Variants in NUDCD2 observed in about 807,000 individuals in gnomAD.
NUDCD2 encodes nudC domain-containing protein 2.
NUDCD2 carries 16 observed loss-of-function variants against 20.8 expected under a neutral mutation model. That is an observed-to-expected ratio of 0.77 (90% CI 0.52 to 1.17). The LOEUF (loss-of-function observed/expected upper bound fraction) is 1.17, where lower values mean the gene tolerates loss of function less well. Among genes scored for constraint, NUDCD2 ranks in the 50% most tolerant of loss-of-function variants. The pLI is 0.00. For synonymous variants in NUDCD2, 87 were observed against 72.8 expected, an observed-to-expected ratio of 1.20 and a Z score of -1.00; for missense variants, 199 against 193.9, an observed-to-expected ratio of 1.03 and a Z score of -0.16.
Position 163,446,934 on chromosome 5 carries a change from G to T in NUDCD2, c.*7033C>A, listed in dbSNP as rs1758051703. ...AGAGACTGAGGCAGGAGAATTGCTT[G>T]AACCTGTGAGGCAGTGAGACAAGAT... On this transcript the variant is annotated 3_prime_UTR_variant, in exon 4 of 4. Transcript: ENST00000302764. 2 of 152,188 alleles carry T rather than the reference G, an allele frequency of 1.3e-5. No individual in the cohort carries two copies. Among genetic ancestry groups the T allele is most frequent in the African/African-American group, 4.8e-5 (2 of 41,442 alleles). 9.4% of individuals were successfully genotyped at this position (152,188 alleles called of 1,614,324 possible).
rs1320571157 is a variant in NUDCD2 at position 163,448,616 on chromosome 5, ATT to A, written c.*5349_*5350del. 6.6e-6 allele frequency: 1 copy of A among 152,240 alleles called. No individual in the cohort carries two copies. The highest frequency in any genetic ancestry group is 1.5e-5 in the Non-Finnish European group (1 of 68,036). 9.4% of individuals were successfully genotyped at this position (152,240 alleles called of 1,614,324 possible). A position where few individuals can be genotyped will look rare whatever the true frequency, so the allele number is the denominator to read the frequency against. ...AGAAAGAATAATCACTTTGCAATTC[ATT>A]TTACAAGACCAGAATTAACATGATA... On this transcript the variant is annotated 3_prime_UTR_variant, in exon 4 of 4. Coordinates refer to ENST00000302764, the MANE Select transcript of NUDCD2 (RefSeq NM_145266.6).
chr5:163,459,052 C>A (rs1379684276), intron 1 of NUDCD2: 1 of 152,086 alleles, frequency 6.6e-6, no homozygotes, highest in African/African-American at 2.4e-5. Flanking sequence ...CAAAACAATC[C>A]CATGAGAAGG....
intron 3 of NUDCD2, among the ~76,000 whole-genome samples, chr5:163,454,833 T>C (rs1581178256): frequency 6.6e-6 from 1 of 151,818 alleles, no homozygotes; most frequent in African/African-American, 2.4e-5. Flanking sequence ...TAGAGGTATG[T>C]AGAATTCAAG....
At chr5:163,458,196 T>C (rs1159329333) in intron 1 of NUDCD2, among the ~76,000 whole-genome samples, 1 of 152,026 alleles carries the variant, frequency 6.6e-6, no homozygotes, top group Admixed American at 6.6e-5. Flanking sequence ...TTAGCCAGGC[T>C]GGTCTCGAAC....
At position 163,452,992 on chromosome 5, in the gene NUDCD2, G is replaced by A. The variant is rs1758213552; in HGVS notation, c.*975C>T. On this transcript the variant is annotated 3_prime_UTR_variant, in exon 4 of 4. Coordinates refer to ENST00000302764, the MANE Select transcript of NUDCD2 (RefSeq NM_145266.6). ...CAATGTGAATGAAGTGAAGATCTGAGGATTAGAGGGTAGTAATGTGTCAAC... is the reference window on the plus strand; with the variant it reads ...CAATGTGAATGAAGTGAAGATCTGAAGATTAGAGGGTAGTAATGTGTCAAC... The A allele has an allele frequency of 2.0e-5, 3 of 152,162 alleles. No individual in the cohort carries two copies. Among genetic ancestry groups the A allele is most frequent in the Non-Finnish European group, 4.4e-5 (3 of 68,016 alleles). 9.4% of individuals were successfully genotyped at this position (152,162 alleles called of 1,614,324 possible).
rs934945666 is a variant in NUDCD2 at position 163,447,615 on chromosome 5, T to G, written c.*6352A>C. 3 of 152,212 alleles carry G rather than the reference T, an allele frequency of 2.0e-5. No individual in the cohort carries two copies. Among genetic ancestry groups the G allele is most frequent in the African/African-American group, 7.2e-5 (3 of 41,464 alleles). The allele number at this position is 152,212 out of a possible 1,614,324, so 9.4% of individuals were successfully genotyped here. On this transcript the variant is annotated 3_prime_UTR_variant, in exon 4 of 4. Transcript: ENST00000302764. ...GAATAATACTAATAACCAGCTAGAT[T>G]TAATTGACATAAAACCCTTCTACCT...
At chr5:163,457,495 T>G in intron 2 of NUDCD2, 67 bp downstream of exon 2, 3 of 961,484 alleles carry the variant, frequency 3.1e-6, no homozygotes, top group Non-Finnish European at 5.0e-6. Context: ...AAAGACCTAA[T>G]ACAAAAGAGG....
At position 163,457,098 on chromosome 5, in the gene NUDCD2, A is replaced by G; in HGVS notation, c.239-18T>C. 6.4e-7 allele frequency: 1 copy of G among 1,569,528 alleles called. No homozygotes were observed. The highest frequency in any genetic ancestry group is 1.2e-5 in the South Asian group (1 of 84,862). On this transcript the variant is annotated intron_variant, in intron 2 of 3. Coordinates refer to ENST00000302764, the MANE Select transcript of NUDCD2 (RefSeq NM_145266.6). ...TCTGTCCTCTAAAAAAAAAACACAC[A>G]CACACACACGCACAAATAAATTAGA...
Position 163,459,745 on chromosome 5 carries a change from CTCTT to C in NUDCD2, c.189+113_189+116del, listed in dbSNP as rs1270761628. The C allele has an allele frequency of 1.4e-5, 12 of 871,798 alleles. No homozygotes were observed. The East Asian group carries it at 1.9e-4, about 14-fold the overall frequency. 54.0% of individuals were successfully genotyped at this position (871,798 alleles called of 1,614,324 possible). Reference sequence around the variant, plus strand: ...AGACCCAAACCTGGTCAGTGTTATCCTCTTTCTCTTTCTGCCAGCCACAGGAGCC... The same window carrying C: ...AGACCCAAACCTGGTCAGTGTTATCCTCTCTTTCTGCCAGCCACAGGAGCC... On this transcript the variant is annotated intron_variant, in intron 1 of 3. Transcript: ENST00000302764.
rs1758066628 is a variant in NUDCD2 at position 163,447,463 on chromosome 5, AT to A, written c.*6503del. 6.8e-6 allele frequency: 1 copy of A among 147,658 alleles called. No homozygotes were observed. The highest frequency in any genetic ancestry group is 1.5e-5 in the Non-Finnish European group (1 of 66,904). 9.1% of individuals were successfully genotyped at this position (147,658 alleles called of 1,614,324 possible). On this transcript the variant is annotated 3_prime_UTR_variant, in exon 4 of 4. Coordinates refer to ENST00000302764, the MANE Select transcript of NUDCD2 (RefSeq NM_145266.6). Reference sequence around the variant, plus strand: ...AAGACTCAAAAAAAAAAAAAAAAACATGAAGCAAAAAGTGGTAGCATTAAAA... The same window carrying A: ...AAGACTCAAAAAAAAAAAAAAAAACAGAAGCAAAAAGTGGTAGCATTAAAA...
rs1430124543 is a variant in NUDCD2, at chr5:163,448,595, A to AGAAT, written c.*5368_*5371dup. 2 of 152,246 alleles carry AGAAT rather than the reference A, an allele frequency of 1.3e-5. No individual in the cohort carries two copies. Among genetic ancestry groups the AGAAT allele is most frequent in the Non-Finnish European group, 2.9e-5 (2 of 68,036 alleles). The allele number at this position is 152,246 out of a possible 1,614,324, so 9.4% of individuals were successfully genotyped here. A position where few individuals can be genotyped will look rare whatever the true frequency, so the allele number is the denominator to read the frequency against. ...CAAATTCTACAAATCTCTTCCAGAA[A>AGAAT]GAATAATCACTTTGCAATTCATTTT... On this transcript the variant is annotated 3_prime_UTR_variant, in exon 4 of 4. Coordinates refer to ENST00000302764, the MANE Select transcript of NUDCD2 (RefSeq NM_145266.6).
At chr5:163,459,398 C>G (rs1362382465) in intron 1 of NUDCD2, 1 of 152,244 alleles carries the variant, frequency 6.6e-6, no homozygotes, top group African/African-American at 2.4e-5. Context: ...AAACTAATCA[C>G]CTGACATCAT....
chr5:163,448,584 C>G lies in NUDCD2; in HGVS notation c.*5383G>C, dbSNP rs1362307541. Reference sequence around the variant, plus strand: ...TAAAGATATAACAAATTCTACAAATCTCTTCCAGAAAGAATAATCACTTTG... The same window carrying G: ...TAAAGATATAACAAATTCTACAAATGTCTTCCAGAAAGAATAATCACTTTG... On this transcript the variant is annotated 3_prime_UTR_variant, in exon 4 of 4. Transcript: ENST00000302764. 1 of 152,140 alleles carries G rather than the reference C, an allele frequency of 6.6e-6. No individual in the cohort carries two copies. Among genetic ancestry groups the G allele is most frequent in the African/African-American group, 2.4e-5 (1 of 41,428 alleles). The allele number at this position is 152,140 out of a possible 1,614,324, so 9.4% of individuals were successfully genotyped here.
At position 163,456,917 on chromosome 5, in the gene NUDCD2, C is replaced by T. The variant is rs746651260; in HGVS notation, c.390+12G>A. On this transcript the variant is annotated intron_variant, in intron 3 of 3. Coordinates refer to ENST00000302764, the MANE Select transcript of NUDCD2 (RefSeq NM_145266.6). ...TTTAATTACACATACTCATACACTT[C>T]ATCTGACTTACTTCTTTTTGGAATC... is the stretch of plus-strand genomic sequence containing the variant. The T allele has an allele frequency of 2.5e-6, 4 of 1,588,788 alleles. No individual in the cohort carries two copies. The Middle Eastern group carries it at 6.7e-4, about 266-fold the overall frequency.
intron 3 of NUDCD2, among the ~76,000 whole-genome samples, chr5:163,455,347 T>C (rs1444699660): frequency 6.6e-6 from 1 of 152,106 alleles, no homozygotes; most frequent in Admixed American, 6.5e-5. Context: ...GCAGAATCAC[T>C]AAGAGGGATA....
Position 163,459,963 on chromosome 5 carries a change from T to C in NUDCD2, c.88A>G (p.Ile30Val), listed in dbSNP as rs972863796. 13 of 1,613,406 alleles carry C rather than the reference T, an allele frequency of 8.1e-6. No individual in the cohort carries two copies. The African/African-American group carries it at 1.7e-4, about 22-fold the overall frequency. The change falls in exon 1 of 4, where the codon ATT (isoleucine) becomes GTT (valine). Residue 30 changes from isoleucine to valine, a missense_variant. Transcript: ENST00000302764. Reference protein sequence around the residue: ...QWYQTLEEVFIEVQVPPGTRA... With the variant: ...QWYQTLEEVFVEVQVPPGTRA... Reference sequence around the variant, plus strand: ...GTGCCTGGCGGCACCTGAACTTCAATGAACACCTCCTCCAAGGTCTGGTAC... The same window carrying C: ...GTGCCTGGCGGCACCTGAACTTCAACGAACACCTCCTCCAAGGTCTGGTAC...
chr5:163,455,877 T>C (rs1252254662), intron 3 of NUDCD2, among the ~76,000 whole-genome samples: 3 of 151,384 alleles, frequency 2.0e-5, no homozygotes, highest in African/African-American at 7.3e-5. Context: ...GGTGGTAGAG[T>C]TGGTGGTGAA....
At position 163,446,648 on chromosome 5, in the gene NUDCD2, GTTA is replaced by G. The variant is rs893150470; in HGVS notation, c.*7316_*7318del. ...TCTATACTAATAACTTTGATAAAAT[GTTA>G]TTATTTATTAAATCTATTTTTCAGA... On this transcript the variant is annotated 3_prime_UTR_variant, in exon 4 of 4. Transcript: ENST00000302764. 3 of 152,224 alleles carry G rather than the reference GTTA, an allele frequency of 2.0e-5. No homozygotes were observed. The highest frequency in any genetic ancestry group is 7.2e-5 in the African/African-American group (3 of 41,546). The allele number at this position is 152,224 out of a possible 1,614,324, so 9.4% of individuals were successfully genotyped here. A position where few individuals can be genotyped will look rare whatever the true frequency, so the allele number is the denominator to read the frequency against.
At chr5:163,455,110 C>T (rs1471813050) in intron 3 of NUDCD2, among the ~76,000 whole-genome samples, 3 of 150,648 alleles carry the variant, frequency 2.0e-5, no homozygotes, top group African/African-American at 2.5e-5. Context: ...GTTTGCCAAC[C>T]GCTGATGTCG....
Sources: allele counts gnomAD v4.1 joint callset (sites outside exome capture counted in the v4.1 genomes callset), GRCh38; gene constraint gnomAD v4.1.1; transcripts MANE v1.5; gene names NCBI Gene and HGNC (gene_info 2026-07-23, HGNC 2026-07-21).